The following PCAT7 variants were observed in gnomAD, a reference collection of about 807,000 sequenced individuals.
PCAT7 encodes prostate cancer associated transcript 7.
intron 2 of PCAT7, among the ~76,000 whole-genome samples, chr9:94,560,733 T>C (rs1445384415): frequency 6.8e-6 from 1 of 147,976 alleles, no homozygotes; most frequent in African/African-American, 2.5e-5. Flanking sequence ...ATAATATATA[T>C]TTACATATAA....
chr9:94,565,268 G>A (rs184614454), intron 2 of PCAT7, among the ~76,000 whole-genome samples: 14 of 151,502 alleles, frequency 9.2e-5, no homozygotes, highest in African/African-American at 2.7e-4. Flanking sequence ...CCAGCTACTC[G>A]GGAGGCTGAG....
rs752664562 is a variant in PCAT7, at chr9:94,563,281, C to T, written n.441+4129C>T. 5.9e-5 allele frequency: 93 copies of T among 1,575,998 alleles called. No individual in the cohort carries two copies. The Middle Eastern group carries it at 7.6e-4, about 13-fold the overall frequency. On this transcript the variant is annotated intron_variant and non_coding_transcript_variant, in intron 2 of 8. Coordinates refer to ENST00000647389, the Ensembl canonical transcript of PCAT7. The stretch of plus-strand genomic sequence containing the variant: ...TGCAGTAGCCAAACAGCAGGTGTGA[C>T]GGGAGGGAGCTCCCCCACCTCCCTG...
chr9:94,556,146 A>C (rs1827008804), intron 1 of PCAT7, among the ~76,000 whole-genome samples: 2 of 150,928 alleles, frequency 1.3e-5, no homozygotes, highest in South Asian at 4.2e-4. Flanking sequence ...GTTTTTGGGT[A>C]GATAAAGGGG....
intron 2 of PCAT7, chr9:94,571,751 G>A (rs998693977): frequency 1.9e-5 from 13 of 693,428 alleles, no homozygotes; most frequent in African/African-American, 1.1e-4. Context: ...CAGAGGAAAC[G>A]AGTGGCCATG....
chr9:94,556,495 ATGG>A (rs944469813), intron 1 of PCAT7, among the ~76,000 whole-genome samples: 2 of 151,926 alleles, frequency 1.3e-5, no homozygotes, highest in Non-Finnish European at 2.9e-5. Flanking sequence ...AGGTGGGGAA[ATGG>A]TGGGGGACAA....
At chr9:94,557,284 G>A (rs1031325463) in intron 1 of PCAT7, among the ~76,000 whole-genome samples, 4 of 152,194 alleles carry the variant, frequency 2.6e-5, no homozygotes, top group Non-Finnish European at 5.9e-5. Flanking sequence ...GTTGAACACA[G>A]ATTGCATTGA....
At chr9:94,566,765 C>T (rs1827195668) in intron 2 of PCAT7, among the ~76,000 whole-genome samples, 1 of 152,184 alleles carries the variant, frequency 6.6e-6, no homozygotes, top group South Asian at 2.1e-4. Flanking sequence ...CAGTTCATTA[C>T]AGATGGATTA....
chr9:94,570,435 TATCTC>T (rs1362880457), intron 2 of PCAT7: 2 of 152,230 alleles, frequency 1.3e-5, no homozygotes, highest in South Asian at 2.1e-4. Context: ...TTGTAGGACA[TATCTC>T]ATAGGGCCAC....
intron 2 of PCAT7, chr9:94,571,750 C>T: frequency 2.8e-6 from 2 of 703,116 alleles, no homozygotes; most frequent in South Asian, 2.5e-5. Context: ...CCAGAGGAAA[C>T]GAGTGGCCAT....
intron 2 of PCAT7, among the ~76,000 whole-genome samples, chr9:94,559,426 T>C (rs898622381): frequency 6.6e-6 from 1 of 152,174 alleles, no homozygotes; most frequent in African/African-American, 2.4e-5. Flanking sequence ...CTTGGAAATA[T>C]GAGATCTAGG....
chr9:94,563,273 A>G (rs1235418195), intron 2 of PCAT7: 1 of 1,555,140 alleles, frequency 6.4e-7, no homozygotes, highest in Non-Finnish European at 8.8e-7. Flanking sequence ...GCCAAACAGC[A>G]GGTGTGACGG....
chr9:94,567,368 T>C (rs778868837), intron 2 of PCAT7: 5 of 1,614,172 alleles, frequency 3.1e-6, no homozygotes, highest in Admixed American at 3.3e-5. Flanking sequence ...TTCTTCTTAA[T>C]CTTGACATCT....
chr9:94,558,763 T>G, intron 1 of PCAT7: 1 of 616,564 alleles, frequency 1.6e-6, no homozygotes, highest in Admixed American at 3.0e-5. Flanking sequence ...ACATTGACCA[T>G]AGAATCGCCT....
intron 2 of PCAT7, chr9:94,563,544 T>TGTGACCTCTGCCTTCTTGA (rs1428480205): frequency 1.3e-6 from 2 of 1,494,782 alleles, no homozygotes; most frequent in Non-Finnish European, 1.8e-6. Flanking sequence ...GTCCAGTTGG[T>TGTGACCTCTGCCTTCTTGA]GTGACCTCTG....
Position 94,573,776 on chromosome 9 carries a change from T to G in PCAT7, n.512+727T>G, listed in dbSNP as rs573500110. 2.0e-4 allele frequency among the ~76,000 whole-genome samples: 30 copies of G among 152,386 alleles called. 1 individual carries two copies. The South Asian group carries it at 6.2e-3, about 32-fold the overall frequency. On this transcript the variant is annotated intron_variant and non_coding_transcript_variant, in intron 3 of 8. Coordinates refer to ENST00000647389, the Ensembl canonical transcript of PCAT7. ...CATTTATTGATAAGGAATATTGGTCTGTGGTATTTTTTTGAACAATCTTTG... is the reference window on the plus strand; with the variant it reads ...CATTTATTGATAAGGAATATTGGTCGGTGGTATTTTTTTGAACAATCTTTG...
At chr9:94,572,183 C>G (rs1435454767) in intron 2 of PCAT7, among the ~76,000 whole-genome samples, 1 of 152,110 alleles carries the variant, frequency 6.6e-6, no homozygotes, top group African/African-American at 2.4e-5. Context: ...TCCTCTGATT[C>G]CTTAAATGTT....
intron 2 of PCAT7, among the ~76,000 whole-genome samples, chr9:94,566,939 G>A (rs944805864): frequency 9.4e-5 from 13 of 138,940 alleles, no homozygotes; most frequent in African/African-American, 3.7e-4. Context: ...ATGCAACTGA[G>A]TGAGTCTATA....
intron 2 of PCAT7, chr9:94,570,357 T>G (rs1827254338): frequency 6.6e-6 from 1 of 152,218 alleles, no homozygotes; most frequent in South Asian, 2.1e-4. Context: ...CACCAGTCAC[T>G]AGCTTGACCT....
At chr9:94,573,075 C>G (rs1246281607) in intron 3 of PCAT7, 1 of 152,114 alleles carries the variant, frequency 6.6e-6, no homozygotes, top group Non-Finnish European at 1.5e-5. Context: ...TCTTCCTTGC[C>G]TTATTGTGCT....
Sources: allele counts gnomAD v4.1 joint callset (sites outside exome capture counted in the v4.1 genomes callset), GRCh38; gene constraint gnomAD v4.1.1; transcripts MANE v1.5; gene names NCBI Gene and HGNC (gene_info 2026-07-23, HGNC 2026-07-21).